Variants in YEATS2 observed in about 807,000 individuals in gnomAD.
YEATS2 encodes the protein YEATS domain containing 2, also known as YEATS domain-containing protein 2.
Under a neutral mutation model 163.2 loss-of-function variants are expected in YEATS2, and 77 were observed. The ratio of observed to expected loss-of-function variants is 0.47; its 90% CI spans 0.39 to 0.57. The LOEUF (loss-of-function observed/expected upper bound fraction) is 0.57. Among genes scored for constraint, YEATS2 ranks in the 20% least tolerant of loss-of-function variants. The pLI is 0.00. For missense variants in YEATS2, 1,549 were observed against 1,729.8 expected, an observed-to-expected ratio of 0.90 and a Z score of 1.85; for synonymous variants, 631 against 645.1, an observed-to-expected ratio of 0.98 and a Z score of 0.33.
intron 3 of YEATS2, 67 bp downstream of exon 3, chr3:183,717,815 T>G: frequency 4.2e-6 from 4 of 958,848 alleles, no homozygotes; most frequent in Non-Finnish European, 5.7e-6. Flanking sequence ...GATTGAAAAA[T>G]AATCTATTGA....
chr3:183,738,452 G>T, intron 8 of YEATS2, among the ~76,000 whole-genome samples: 1 of 126,540 alleles, frequency 7.9e-6, no homozygotes. Context: ...TGCACATTGT[G>T]CAGGTTAGTT....
chr3:183,738,224 T>TAATA (rs111764878), intron 8 of YEATS2, among the ~76,000 whole-genome samples: 59,875 of 151,142 alleles, frequency 0.4, 12,378 homozygotes, highest in Middle Eastern at 0.53. Flanking sequence ...AATAACCTTA[T>TAATA]AATAGTTTCC....
chr3:183,726,174 G>A (rs553354713), intron 6 of YEATS2, among the ~76,000 whole-genome samples: 1 of 151,902 alleles, frequency 6.6e-6, no homozygotes, highest in East Asian at 1.9e-4. Flanking sequence ...CTTTCCCTGA[G>A]AATAAAATAG....
intron 8 of YEATS2, among the ~76,000 whole-genome samples, chr3:183,745,392 C>G (rs1383856910): frequency 6.6e-6 from 1 of 152,140 alleles, no homozygotes; most frequent in Non-Finnish European, 1.5e-5. Context: ...TCGCACAAAT[C>G]CCCTGATGAA....
chr3:183,715,094 A>C (rs1715698732), intron 1 of YEATS2, 50 bp from the exon 2 acceptor site: 1 of 1,181,686 alleles, frequency 8.5e-7, no homozygotes. Flanking sequence ...ACTACAACCC[A>C]ACTATTTAAC....
intron 6 of YEATS2, among the ~76,000 whole-genome samples, chr3:183,724,935 G>T (rs1405949244): frequency 6.6e-6 from 1 of 151,462 alleles, no homozygotes; most frequent in Non-Finnish European, 1.5e-5. Context: ...TAGAGACGGG[G>T]TTTCTCCATG....
intron 19 of YEATS2, among the ~76,000 whole-genome samples, chr3:183,781,132 G>GA (rs1322858373): frequency 1.3e-5 from 2 of 152,096 alleles, no homozygotes; most frequent in Non-Finnish European, 2.9e-5. Flanking sequence ...ATATTAAGAG[G>GA]AAATTTATTA....
chr3:183,701,927 GC>G (rs1714134373), intron 1 of YEATS2, among the ~76,000 whole-genome samples: 3 of 152,184 alleles, frequency 2.0e-5, no homozygotes, highest in African/African-American at 7.2e-5. Context: ...AACAGCCCTT[GC>G]CTAGAACTAG....
intron 1 of YEATS2, among the ~76,000 whole-genome samples, chr3:183,711,200 G>A (rs1320783167): frequency 1.3e-5 from 2 of 152,176 alleles, no homozygotes; most frequent in Non-Finnish European, 2.9e-5. Context: ...GCTGGGCGCA[G>A]TGGCTCATGC....
At chr3:183,721,273 C>G (rs964628727) in intron 4 of YEATS2, among the ~76,000 whole-genome samples, 1 of 152,130 alleles carries the variant, frequency 6.6e-6, no homozygotes, top group African/African-American at 2.4e-5. Flanking sequence ...TTTTTTCTCT[C>G]TAGAACCATT....
At chr3:183,809,346 A>C in intron 30 of YEATS2, 176 bp downstream of exon 30, 11 of 603,850 alleles carry the variant, frequency 1.8e-5, no homozygotes, top group East Asian at 2.7e-5. Context: ...AGAGAACCTC[A>C]TGGTTGTGAA....
intron 11 of YEATS2, among the ~76,000 whole-genome samples, chr3:183,755,438 C>G (rs1432880427): frequency 6.6e-6 from 1 of 152,022 alleles, no homozygotes; most frequent in African/African-American, 2.4e-5. Flanking sequence ...ATTTTACCTA[C>G]CAGGTAGAAA....
chr3:183,715,083 T>TA (rs1461259701), intron 1 of YEATS2, 61 bp from the exon 2 acceptor site: 37 of 981,834 alleles, frequency 3.8e-5, no homozygotes, highest in Non-Finnish European at 5.7e-5. Context: ...TATGCAGTGT[T>TA]ACTACAACCC....
intron 12 of YEATS2, among the ~76,000 whole-genome samples, chr3:183,758,232 C>A (rs830169): frequency 1.3e-5 from 2 of 151,966 alleles, no homozygotes; most frequent in Non-Finnish European, 2.9e-5. Context: ...TAGCGCGTGC[C>A]TGTAGTCCCA....
chr3:183,760,138 A>G (rs779447975), intron 13 of YEATS2, among the ~76,000 whole-genome samples: 26 of 152,204 alleles, frequency 1.7e-4, no homozygotes, highest in Admixed American at 2.0e-4. Flanking sequence ...TGGCACTGTT[A>G]TATGAATGTC....
intron 1 of YEATS2, among the ~76,000 whole-genome samples, chr3:183,702,462 A>G (rs573355922): frequency 1.1e-4 from 17 of 151,644 alleles, no homozygotes; most frequent in African/African-American, 4.1e-4. Flanking sequence ...TAAAAAAATT[A>G]CCTTAAAAAT....
chr3:183,753,642 G>A (rs1010203827), intron 10 of YEATS2, among the ~76,000 whole-genome samples: 10 of 152,168 alleles, frequency 6.6e-5, no homozygotes, highest in African/African-American at 2.4e-4. Flanking sequence ...CAGCTATTCC[G>A]GAGGCTGAGG....
intron 1 of YEATS2, among the ~76,000 whole-genome samples, chr3:183,710,779 C>A (rs1191620970): frequency 6.6e-6 from 1 of 152,034 alleles, no homozygotes; most frequent in South Asian, 2.1e-4. Context: ...TGGGAGCCAC[C>A]GTTATTCTTG....
chr3:183,781,104 C>A (rs900841116), intron 19 of YEATS2, among the ~76,000 whole-genome samples: 1 of 152,042 alleles, frequency 6.6e-6, no homozygotes, highest in African/African-American at 2.4e-5. Context: ...AGAAACAGAA[C>A]AAATATAATA....
Sources: allele counts gnomAD v4.1 joint callset (sites outside exome capture counted in the v4.1 genomes callset), GRCh38; gene constraint gnomAD v4.1.1; transcripts MANE v1.5; gene names NCBI Gene and HGNC (gene_info 2026-07-23, HGNC 2026-07-21).